The following TENT5C variants were observed in gnomAD, a reference collection of about 807,000 sequenced individuals.
TENT5C encodes family with sequence similarity 46 member C.
A neutral mutation model predicts 22.2 loss-of-function variants in TENT5C; 5 were observed. The ratio of observed to expected loss-of-function variants is 0.22; its 90% CI spans 0.12 to 0.47. The LOEUF is 0.47. Among genes scored for constraint, TENT5C ranks in the 20% least tolerant of loss-of-function variants. TENT5C has a pLI of 0.99. For synonymous variants in TENT5C, 199 were observed against 195.4 expected (o/e 1.02, Z -0.15); for missense variants, 364 against 500.9 (o/e 0.73, Z 2.61).
chr1:117,618,134 C>G (rs1653825733), intron 1 of TENT5C, among the ~76,000 whole-genome samples: 2 of 152,140 alleles, frequency 1.3e-5, no homozygotes, highest in Admixed American at 6.5e-5. Flanking sequence ...ACTTTTTCCC[C>G]TAGAATTTAA....
intron 1 of TENT5C, among the ~76,000 whole-genome samples, chr1:117,608,094 ACT>A (rs66822008): frequency 0.063 from 9,434 of 150,750 alleles, 388 homozygotes; most frequent in East Asian, 0.18. Context: ...AAAAAAAAAA[ACT>A]CTGCCAGGAG....
rs1653965820 is a variant in TENT5C at position 117,624,271 on chromosome 1, A to G, written c.*227A>G. The G allele has an allele frequency of 9.2e-6, 5 of 542,760 alleles. 1 individual carries two copies. The South Asian group carries it at 1.5e-4, about 16-fold the overall frequency. 33.6% of individuals were successfully genotyped at this position (542,760 alleles called of 1,614,324 possible). On this transcript the variant is annotated 3_prime_UTR_variant, in exon 2 of 2. Transcript: ENST00000369448. ...ACAGTGCCACGTTGGAAAACGCTAC[A>G]GGAAGCATGACCTATCCACATCTTT...
chr1:117,616,054 C>A (rs2101075989), intron 1 of TENT5C, among the ~76,000 whole-genome samples: 1 of 152,336 alleles, frequency 6.6e-6, no homozygotes, highest in African/African-American at 2.4e-5. Flanking sequence ...CCGTGTCCAC[C>A]TCCCATCCAC....
intron 1 of TENT5C, among the ~76,000 whole-genome samples, chr1:117,612,615 C>T (rs756601945): frequency 4.6e-5 from 7 of 152,150 alleles, no homozygotes; most frequent in South Asian, 2.1e-4. Flanking sequence ...CCTGGAGGCC[C>T]GGAACCTGCA....
chr1:117,616,146 G>A (rs181265489), intron 1 of TENT5C, among the ~76,000 whole-genome samples: 166 of 152,236 alleles, frequency 1.1e-3, no homozygotes, highest in African/African-American at 3.7e-3. Context: ...GGGTCAATTC[G>A]CTTAATCTTT....
At position 117,624,053 on chromosome 1, in the gene TENT5C, C is replaced by T. The variant is rs1333903364; in HGVS notation, c.*9C>T. ...GGCTGCCCTGTAACTAACCTTGAGACCTGAGGGTTTCCACAGTGGGAACCC... is the reference window on the plus strand; with the variant it reads ...GGCTGCCCTGTAACTAACCTTGAGATCTGAGGGTTTCCACAGTGGGAACCC... On this transcript the variant is annotated 3_prime_UTR_variant, in exon 2 of 2. Transcript: ENST00000369448. The T allele has an allele frequency of 1.2e-6, 2 of 1,603,368 alleles. No homozygotes were observed. Among genetic ancestry groups the T allele is most frequent in the Non-Finnish European group, 1.7e-6 (2 of 1,173,790 alleles).
In TENT5C at chr1:117,625,645, C is replaced by T. The variant is rs901640967; in HGVS notation, c.*1601C>T. On this transcript the variant is annotated 3_prime_UTR_variant, in exon 2 of 2. Transcript: ENST00000369448. ...TCCCCCTTCCTTTGGCTATGAAAAC[C>T]CAAAGCCCGGAGTGATTGTTTTCTC... is the stretch of plus-strand genomic sequence containing the variant. 1.2e-5 allele frequency: 3 copies of T among 247,924 alleles called. No individual in the cohort carries two copies. Among genetic ancestry groups the T allele is most frequent in the Non-Finnish European group, 2.5e-5 (3 of 118,138 alleles). The allele number at this position is 247,924 out of a possible 1,614,324, so 15.4% of individuals were successfully genotyped here. A position where few individuals can be genotyped will look rare whatever the true frequency, so the allele number is the denominator to read the frequency against.
intron 1 of TENT5C, among the ~76,000 whole-genome samples, chr1:117,616,861 A>G (rs3767816): frequency 0.05 from 7,653 of 152,188 alleles, 252 homozygotes; most frequent in East Asian, 0.11. Context: ...ATTTTCCTGA[A>G]ATTTTCTAGA....
chr1:117,619,691 C>T (rs528598624), intron 1 of TENT5C, among the ~76,000 whole-genome samples: 5 of 150,054 alleles, frequency 3.3e-5, no homozygotes, highest in African/African-American at 1.2e-4. Flanking sequence ...TCTGTCCAAT[C>T]TAGATCTTAG....
chr1:117,615,601 C>T (rs773541476), intron 1 of TENT5C, among the ~76,000 whole-genome samples: 2 of 152,222 alleles, frequency 1.3e-5, no homozygotes, highest in African/African-American at 2.4e-5. Flanking sequence ...CTGTGGCTGC[C>T]GCCATGTGAA....
At chr1:117,619,412 G>T (rs1174802970) in intron 1 of TENT5C, among the ~76,000 whole-genome samples, 1 of 152,150 alleles carries the variant, frequency 6.6e-6, no homozygotes, top group Non-Finnish European at 1.5e-5. Context: ...TGTCTTCTCT[G>T]TTGGGGTTCT....
chr1:117,614,916 G>A (rs1159068301), intron 1 of TENT5C, among the ~76,000 whole-genome samples: 2 of 152,132 alleles, frequency 1.3e-5, no homozygotes, highest in African/African-American at 4.8e-5. Flanking sequence ...CTGCAACGTA[G>A]CAAGCATCTT....
At chr1:117,618,522 C>A (rs1330065994) in intron 1 of TENT5C, among the ~76,000 whole-genome samples, 1 of 151,148 alleles carries the variant, frequency 6.6e-6, no homozygotes, top group Non-Finnish European at 1.5e-5. Flanking sequence ...GCATTTACAT[C>A]TTGGAGGTGA....
intron 1 of TENT5C, among the ~76,000 whole-genome samples, chr1:117,613,488 T>G (rs1653710254): frequency 2.0e-5 from 3 of 152,200 alleles, no homozygotes; most frequent in African/African-American, 4.8e-5. Context: ...GGAAAGAGCT[T>G]TCTGTTTGGA....
chr1:117,609,716 C>T (rs897981794), intron 1 of TENT5C, among the ~76,000 whole-genome samples: 7 of 152,228 alleles, frequency 4.6e-5, no homozygotes, highest in Admixed American at 2.0e-4. Flanking sequence ...GGCATATGAG[C>T]GCCGGAAAGC....
chr1:117,623,757 G>C lies in TENT5C; in HGVS notation c.889G>C (p.Ala297Pro), dbSNP rs149654076. 2.4e-5 allele frequency: 39 copies of C among 1,614,138 alleles called. No homozygotes were observed. The highest frequency in any genetic ancestry group is 3.2e-5 in the Non-Finnish European group (38 of 1,180,038). ...KLETYLQNHFAEEERSKYDYL... is the reference protein window; with the variant it reads ...KLETYLQNHFPEEERSKYDYL... ...GGAGACTTACCTTCAAAACCACTTC[G>C]CTGAAGAAGAGAGAAGCAAGTACGA... Residue 297 changes from alanine to proline, a missense_variant, in exon 2 of 2, where the codon GCT (alanine) becomes CCT (proline). By Grantham distance (27) the Ala-to-Pro change is conservative. Around this residue, in one of 3 missense-constraint regions of TENT5C, gnomAD observed 303 missense variants for 394.5 expected, o/e 0.77. Transcript: ENST00000369448.
At position 117,623,075 on chromosome 1, in the gene TENT5C, C is replaced by A. The variant is rs151197856; in HGVS notation, c.207C>A (p.Val69=). Residue 69 remains valine (V), a synonymous_variant, in exon 2 of 2, where the codon GTC becomes GTA. Transcript: ENST00000369448. The part of the protein sequence containing the change: ...LEEAGIKVHD[V]RLNGSAAGHV... ...AGGCAGGCATCAAAGTGCACGACGT[C>A]CGGCTGAATGGCTCCGCAGCTGGCC... The A allele has an allele frequency of 1.2e-4, 187 of 1,614,096 alleles. No homozygotes were observed. The highest frequency in any genetic ancestry group is 3.3e-4 in the Middle Eastern group (2 of 6,084).
rs1653999569 is a variant in TENT5C, at chr1:117,625,859, C to T, written c.*1815C>T. 8.1e-6 allele frequency: 2 copies of T among 247,904 alleles called. No homozygotes were observed. Among genetic ancestry groups the T allele is most frequent in the Non-Finnish European group, 1.7e-5 (2 of 118,102 alleles). The allele number at this position is 247,904 out of a possible 1,614,324, so 15.4% of individuals were successfully genotyped here. A position where few individuals can be genotyped will look rare whatever the true frequency, so the allele number is the denominator to read the frequency against. On this transcript the variant is annotated 3_prime_UTR_variant, in exon 2 of 2. Transcript: ENST00000369448. ...ATCTATGTTGTGCTACATTAGGTGA[C>T]TAGAAGCCACTTCTTAGTGTAATCA...
intron 1 of TENT5C, among the ~76,000 whole-genome samples, chr1:117,621,816 G>A (rs994123439): frequency 2.0e-5 from 3 of 152,118 alleles, no homozygotes; most frequent in African/African-American, 7.2e-5. Context: ...TTTAATATAT[G>A]AGTATTTGTT....
Sources: allele counts gnomAD v4.1 joint callset (sites outside exome capture counted in the v4.1 genomes callset), GRCh38; gene constraint gnomAD v4.1.1; regional missense constraint gnomAD v4.1.1; transcripts MANE v1.5; gene names NCBI Gene and HGNC (gene_info 2026-07-23, HGNC 2026-07-21).